Variants in BDP1 observed in about 807,000 individuals in gnomAD.
BDP1 encodes the protein transcription factor TFIIIB component B'' homolog.
Under a neutral mutation model 266.6 loss-of-function variants are expected in BDP1, and 169 were observed. The ratio of observed to expected loss-of-function variants is 0.63; its 90% confidence interval spans 0.56 to 0.72. BDP1 has a LOEUF of 0.72. Ranked by LOEUF, BDP1 falls within the 30% of genes least tolerant of loss-of-function variation. The probability of loss-of-function intolerance (pLI) is 0.00; values close to 1 mark genes in which losing one functional copy is unlikely to be tolerated. For synonymous variants in BDP1, 1,090 were observed against 1,022.4 expected, an observed-to-expected ratio of 1.07 and a Z score of -1.26; for missense variants, 3,015 against 3,053.8, an observed-to-expected ratio of 0.99 and a Z score of 0.30.
intron 2 of BDP1, among the ~76,000 whole-genome samples, chr5:71,460,316 G>A (rs867933971): frequency 3.3e-5 from 5 of 152,342 alleles, no homozygotes; most frequent in East Asian, 3.9e-4. Context: ...GGAGGCAGAG[G>A]TTGCGGTGAG....
intron 15 of BDP1, 66 bp from the exon 16 acceptor site, chr5:71,504,555 T>C (rs1434848624): frequency 7.1e-6 from 10 of 1,412,034 alleles, no homozygotes; most frequent in Non-Finnish European, 9.7e-7. Context: ...ATTGGACATT[T>C]TCAATGAAAT....
intron 15 of BDP1, among the ~76,000 whole-genome samples, chr5:71,503,483 T>C (rs909855026): frequency 6.6e-6 from 1 of 152,232 alleles, no homozygotes; most frequent in Non-Finnish European, 1.5e-5. Flanking sequence ...GATGTTTGAA[T>C]TAATCTTTTG....
rs549285777 is a variant in BDP1, at chr5:71,462,759, C to CA, written c.599+844dup. ...AGGGTGACAGAGCGAGATCCTGTCTCAAAAAAAAAAATGTTTTTTCTTTGT... is the reference window on the plus strand; with the variant it reads ...AGGGTGACAGAGCGAGATCCTGTCTCAAAAAAAAAAAATGTTTTTTCTTTGT... On this transcript the variant is annotated intron_variant, in intron 3 of 38. Transcript: ENST00000358731. Among the ~76,000 whole-genome samples the CA allele has an allele frequency of 5.5e-3, 789 of 144,416 alleles. 3 individuals are homozygous for CA. Among genetic ancestry groups the CA allele is most frequent in the African/African-American group, 0.013 (508 of 39,400 alleles). 94.7% of individuals were successfully genotyped at this position (144,416 alleles called of 152,430 possible).
intron 13 of BDP1, 103 bp from the exon 14 acceptor site, chr5:71,501,459 C>T (rs1219126030): frequency 1.4e-5 from 10 of 738,632 alleles, no homozygotes; most frequent in Non-Finnish European, 2.1e-5. Context: ...CAGGCTTGAG[C>T]CACCGTGCCC....
chr5:71,486,675 C>A, intron 9 of BDP1, 48 bp downstream of exon 9: 1 of 1,424,500 alleles, frequency 7.0e-7, no homozygotes, highest in Non-Finnish European at 9.2e-7. Context: ...TAGTAATAAA[C>A]TTGCAATATT....
At chr5:71,552,200 G>A (rs1446421910) in intron 34 of BDP1, among the ~76,000 whole-genome samples, 1 of 151,378 alleles carries the variant, frequency 6.6e-6, no homozygotes, top group Non-Finnish European at 1.5e-5. Flanking sequence ...GCCGGGCAGA[G>A]GCGCTCCTCA....
rs776085654 is a variant in BDP1, at chr5:71,492,371, T to G, written c.1640+1240T>G. Among the ~76,000 whole-genome samples the G allele has an allele frequency of 1.5e-3, 230 of 152,122 alleles. 2 individuals carry two copies. The highest frequency in any genetic ancestry group is 3.0e-3 in the Admixed American group (46 of 15,268). On this transcript the variant is annotated intron_variant, in intron 11 of 38. Transcript: ENST00000358731. ...ACATAACCACCAACAATGTACAGGG[T>G]TCCAGTTTTTTTCACATCTTCTTCA...
In BDP1 at chr5:71,549,244, G is replaced by A. The variant is rs187536512; in HGVS notation, c.6809-176G>A. Among the ~76,000 whole-genome samples the A allele has an allele frequency of 1.5e-3, 230 of 152,102 alleles. 5 individuals carry two copies. Among genetic ancestry groups the A allele is most frequent in the Admixed American group, 0.013 (196 of 15,282 alleles). On this transcript the variant is annotated intron_variant, in intron 33 of 38. Coordinates refer to ENST00000358731, the MANE Select transcript of BDP1 (RefSeq NM_018429.3). ...CAGAGCGAGACTCTGTCTCCCCCCCGCAAAAAAGGAGGGAACTTACTTCCT... is the reference window on the plus strand; with the variant it reads ...CAGAGCGAGACTCTGTCTCCCCCCCACAAAAAAGGAGGGAACTTACTTCCT...
rs1763452421 is a variant in BDP1 at position 71,489,427 on chromosome 5, G to A, written c.1237G>A (p.Val413Met). The change falls in exon 10 of 39, where the codon GTG becomes ATG. Residue 413 changes from valine to methionine, a missense_variant. By Grantham distance (21) the Val-to-Met change is conservative. Transcript: ENST00000358731. ...AGTGAAAAAAGTTGCCTGTGAAGGA[G>A]TGAATAATGATCCAGATGAGTCTAT... Reference protein sequence around the residue: ...VKVKKVACEGVNNDPDESMSS... With the variant: ...VKVKKVACEGMNNDPDESMSS... 6.2e-7 allele frequency: 1 copy of A among 1,607,832 alleles called. No individual in the cohort carries two copies. Among genetic ancestry groups the A allele is most frequent in the Non-Finnish European group, 8.5e-7 (1 of 1,178,478 alleles).
In BDP1 at chr5:71,565,093, A is replaced by C. The variant is rs1743948025; in HGVS notation, c.*208A>C. 3 of 512,032 alleles carry C rather than the reference A, an allele frequency of 5.9e-6. No individual in the cohort carries two copies. Among genetic ancestry groups the C allele is most frequent in the African/African-American group, 5.8e-5 (3 of 51,506 alleles). The allele number at this position is 512,032 out of a possible 1,614,324, so 31.7% of individuals were successfully genotyped here. A position where few individuals can be genotyped will look rare whatever the true frequency, so the allele number is the denominator to read the frequency against. ...CATTCTGACTGATTCAGCATTTTGC[A>C]AATAGCAAGCAATTAAGACTGCTTT... On this transcript the variant is annotated 3_prime_UTR_variant, in exon 39 of 39. Coordinates refer to ENST00000358731, the MANE Select transcript of BDP1 (RefSeq NM_018429.3).
chr5:71,471,245 T>G (rs1473893522), intron 7 of BDP1, among the ~76,000 whole-genome samples: 1 of 148,544 alleles, frequency 6.7e-6, no homozygotes, highest in Non-Finnish European at 1.5e-5. Flanking sequence ...TAAATTCAAG[T>G]GATTCTCCTG....
rs900305706 is a variant in BDP1 at position 71,566,346 on chromosome 5, A to G, written c.*1461A>G. On this transcript the variant is annotated 3_prime_UTR_variant, in exon 39 of 39. Transcript: ENST00000358731. ...CACGGAACATAATCATGATGTTAAA[A>G]ACAGAGAAAATAAGGCTTTATAAAG... is the stretch of plus-strand genomic sequence containing the variant. 4 of 152,380 alleles carry G rather than the reference A, an allele frequency of 2.6e-5. No individual in the cohort carries two copies. The highest frequency in any genetic ancestry group is 2.0e-4 in the Admixed American group (3 of 15,272). 9.4% of individuals were successfully genotyped at this position (152,380 alleles called of 1,614,324 possible). A position where few individuals can be genotyped will look rare whatever the true frequency, so the allele number is the denominator to read the frequency against.
At position 71,532,354 on chromosome 5, in the gene BDP1, T is replaced by C; in HGVS notation, c.5819T>C (p.Val1940Ala). The C allele has an allele frequency of 1.4e-5, 22 of 1,613,616 alleles. No homozygotes were observed. The highest frequency in any genetic ancestry group is 1.7e-4 in the Middle Eastern group (1 of 6,056). ...CCAGATGTAGGATGCATAGCTGTTGTTGAACATGAGCTACCAAACACAGAT... is the reference window on the plus strand; with the variant it reads ...CCAGATGTAGGATGCATAGCTGTTGCTGAACATGAGCTACCAAACACAGAT... ...NVPDVGCIAV[V>A]EHELPNTDVT... Residue 1940 changes from valine to alanine, a missense_variant, in exon 26 of 39, where the codon GTT becomes GCT. Physicochemically the swap from Val to Ala is moderately conservative, Grantham distance 64. Transcript: ENST00000358731.
Position 71,532,407 on chromosome 5 carries a change from GA to G in BDP1, c.5876del (p.Asn1959IlefsTer2), listed in dbSNP as rs745496190. The G allele has an allele frequency of 4.3e-6, 7 of 1,613,410 alleles. No individual in the cohort carries two copies. On this transcript the variant is annotated frameshift_variant, in exon 26 of 39. Coordinates refer to ENST00000358731, the MANE Select transcript of BDP1 (RefSeq NM_018429.3). LOFTEE classifies it high-confidence loss of function. ...GACTACTGAAGAAATGAAACAAGAA[GA>G]AAATTTGAGTGTACCGTTTGTAAGC... The part of the protein sequence containing the change: ...DVTTEEMKQE[E>X]NLSVPFEMTT...
At chr5:71,574,558 A>G in the BDP1 span, among the ~76,000 whole-genome samples, 1 of 152,178 alleles carries the variant, frequency 6.6e-6, no homozygotes. Context: ...AAACCCATCA[A>G]AGTTCCCACT....
chr5:71,577,060 A>G, the BDP1 span, among the ~76,000 whole-genome samples: 3 of 152,200 alleles, frequency 2.0e-5, no homozygotes, highest in East Asian at 1.9e-4. Context: ...ACAATACCCA[A>G]TTGACCTGTA....
At chr5:71,564,229 A>G (rs1743882332) in intron 38 of BDP1, among the ~76,000 whole-genome samples, 1 of 152,120 alleles carries the variant, frequency 6.6e-6, no homozygotes, top group Non-Finnish European at 1.5e-5. Context: ...TGCCAATACC[A>G]TGCTGTCTTA....
chr5:71,471,138 CTT>C (rs869292040), intron 7 of BDP1, among the ~76,000 whole-genome samples: 3 of 115,068 alleles, frequency 2.6e-5, no homozygotes, highest in Admixed American at 9.1e-5. Flanking sequence ...TTAAGGGTAG[CTT>C]TTTTTTTTTT....
chr5:71,576,638 A>G, the BDP1 span, among the ~76,000 whole-genome samples: 1 of 152,222 alleles, frequency 6.6e-6, no homozygotes, highest in Non-Finnish European at 1.5e-5. Context: ...AACTGGAGAC[A>G]TTGTGGATTG....
Sources: allele counts gnomAD v4.1 joint callset (sites outside exome capture counted in the v4.1 genomes callset), GRCh38; gene constraint gnomAD v4.1.1; transcripts MANE v1.5; gene names NCBI Gene and HGNC (gene_info 2026-07-23, HGNC 2026-07-21).